Variants in SLC27A2 observed in about 807,000 individuals in gnomAD.
SLC27A2 encodes the protein solute carrier family 27 member 2, also known as long-chain fatty acid transport protein 2.
SLC27A2 carries 54 observed loss-of-function variants against 60.0 expected under a neutral mutation model. The observed-to-expected ratio is 0.90, with a 90% confidence interval of 0.72 to 1.13. SLC27A2 has a LOEUF of 1.13. Among genes scored for constraint, SLC27A2 ranks in the 50% most tolerant of loss-of-function variants. The probability of loss-of-function intolerance (pLI) is 0.00; values close to 1 mark genes in which losing one functional copy is unlikely to be tolerated. For synonymous variants in SLC27A2, 297 were observed against 297.6 expected (o/e 1.00, Z 0.02); for missense variants, 739 against 777.6 (o/e 0.95, Z 0.59).
At chr15:50,229,720 AAT>A (rs1293457140) in intron 8 of SLC27A2, among the ~76,000 whole-genome samples, 2 of 152,130 alleles carry the variant, frequency 1.3e-5, no homozygotes, top group Non-Finnish European at 2.9e-5. Flanking sequence ...ATATTTATCA[AAT>A]ATATATATAA....
At position 50,228,793 on chromosome 15, in the gene SLC27A2, C is replaced by G. The variant is rs563739109; in HGVS notation, c.1458-152C>G. On this transcript the variant is annotated intron_variant, in intron 7 of 9. Transcript: ENST00000267842. ...CTTTTATGCCTCAAACAAGATACCC[C>G]GGCCAGGACTAAGTTGGGGAGTTTG... 1.8e-4 allele frequency: 113 copies of G among 618,026 alleles called. 1 individual carries two copies. The South Asian group carries it at 2.1e-3, about 12-fold the overall frequency. The allele number at this position is 618,026 out of a possible 1,614,324, so 38.3% of individuals were successfully genotyped here. A position where few individuals can be genotyped will look rare whatever the true frequency, so the allele number is the denominator to read the frequency against.
intron 4 of SLC27A2, among the ~76,000 whole-genome samples, chr15:50,209,398 G>A (rs928016321): frequency 1.3e-5 from 2 of 152,238 alleles, no homozygotes; most frequent in Middle Eastern, 3.4e-3. Flanking sequence ...AGGAAGGTTC[G>A]CCAGGGAAGG....
intron 8 of SLC27A2, among the ~76,000 whole-genome samples, chr15:50,231,789 G>T (rs909089779): frequency 6.6e-6 from 1 of 152,216 alleles, no homozygotes; most frequent in African/African-American, 2.4e-5. Context: ...AGGAGCAGGT[G>T]TGTTCTGTGC....
At chr15:50,196,053 CAAA>C (rs1163958587) in intron 1 of SLC27A2, among the ~76,000 whole-genome samples, 22 of 1,814 alleles carry the variant, frequency 0.012, no homozygotes, top group African/African-American at 0.024. Context: ...GACTCTGTCT[CAAA>C]AAAAAAAAAA....
chr15:50,185,278 C>T (rs995415586), intron 1 of SLC27A2, among the ~76,000 whole-genome samples: 2 of 152,168 alleles, frequency 1.3e-5, no homozygotes, highest in Admixed American at 1.3e-4. Context: ...ATATTAAACT[C>T]AAACGTGAAC....
chr15:50,205,834 C>A (rs1168277289), intron 4 of SLC27A2, among the ~76,000 whole-genome samples: 1 of 152,134 alleles, frequency 6.6e-6, no homozygotes, highest in Non-Finnish European at 1.5e-5. Flanking sequence ...ATGGCTGGAA[C>A]CACATCTTGT....
chr15:50,227,190 T>C lies in SLC27A2; in HGVS notation c.1457+12T>C. 6.2e-7 allele frequency: 1 copy of C among 1,609,120 alleles called. No homozygotes were observed. The highest frequency in any genetic ancestry group is 1.1e-5 in the South Asian group (1 of 90,772). On this transcript the variant is annotated intron_variant, in intron 7 of 9. Coordinates refer to ENST00000267842, the MANE Select transcript of SLC27A2 (RefSeq NM_003645.4). Reference sequence around the variant, plus strand: ...GGAGATACATTCCGGTTGGTTTTTCTGAATCATTGAGCCAAAAACAAACAC... The same window carrying C: ...GGAGATACATTCCGGTTGGTTTTTCCGAATCATTGAGCCAAAAACAAACAC...
At chr15:50,213,423 A>G (rs531001619) in intron 4 of SLC27A2, among the ~76,000 whole-genome samples, 2 of 152,314 alleles carry the variant, frequency 1.3e-5, no homozygotes, top group South Asian at 4.1e-4. Context: ...CAAAGAAACA[A>G]TGGATTTAAA....
chr15:50,224,474 G>C (rs967156272), intron 5 of SLC27A2, among the ~76,000 whole-genome samples: 1 of 152,080 alleles, frequency 6.6e-6, no homozygotes, highest in Non-Finnish European at 1.5e-5. Context: ...TTATGAAAAG[G>C]CCCTTAGAGG....
intron 1 of SLC27A2, among the ~76,000 whole-genome samples, chr15:50,195,705 G>A (rs1204588967): frequency 6.6e-6 from 1 of 151,390 alleles, no homozygotes; most frequent in Non-Finnish European, 1.5e-5. Flanking sequence ...TGTCTTTATG[G>A]AGATATCATA....
At position 50,197,523 on chromosome 15, in the gene SLC27A2, A is replaced by G. The variant is rs761901069; in HGVS notation, c.502A>G (p.Ile168Val). Residue 168 changes from isoleucine (I) to valine (V), a missense_variant, in exon 2 of 10, where the codon ATA becomes GTA. Transcript: ENST00000267842. The stretch of plus-strand genomic sequence containing the variant: ...AGAACTACAAGCAGCTGTCGAAGAG[A>G]TACTGCCAAGCCTTAAAAAAGATGA... Reference protein sequence around the residue: ...SPELQAAVEEILPSLKKDDVS... With the variant: ...SPELQAAVEEVLPSLKKDDVS... 2.5e-6 allele frequency: 4 copies of G among 1,613,902 alleles called. No homozygotes were observed. In the East Asian group the frequency reaches 8.9e-5, roughly 36 times the overall value.
chr15:50,236,172 T>A lies in SLC27A2; in HGVS notation c.*76T>A, dbSNP rs1802537. On this transcript the variant is annotated 3_prime_UTR_variant, in exon 10 of 10. Coordinates refer to ENST00000267842, the MANE Select transcript of SLC27A2 (RefSeq NM_003645.4). ...GCCACTTGATATAATCCAACTTTAA[T>A]TTGATTGAAGATTGTGAGGAAATTT... 1.6e-3 allele frequency: 2,072 copies of A among 1,291,804 alleles called. 9 individuals carry two copies. The highest frequency in any genetic ancestry group is 7.6e-3 in the Middle Eastern group (29 of 3,810). 80.0% of individuals were successfully genotyped at this position (1,291,804 alleles called of 1,614,324 possible).
In SLC27A2 at chr15:50,205,312, T is replaced by G; in HGVS notation, c.921T>G (p.Thr307=). The G allele has an allele frequency of 6.2e-7, 1 of 1,611,532 alleles. No individual in the cohort carries two copies. Among genetic ancestry groups the G allele is most frequent in the Non-Finnish European group, 8.5e-7 (1 of 1,178,352 alleles). ...FWDDCRKYNV[T]VIQYIGELLR... ...ATGACTGCAGAAAATACAACGTCAC[T>G]GTCATTCAGTATATCGGTGAACTGC... Residue 307 remains threonine, a synonymous_variant, in exon 4 of 10, where the codon ACT becomes ACG. Transcript: ENST00000267842.
At chr15:50,231,613 G>A (rs966937686) in intron 8 of SLC27A2, among the ~76,000 whole-genome samples, 3 of 152,148 alleles carry the variant, frequency 2.0e-5, no homozygotes, top group African/African-American at 7.2e-5. Flanking sequence ...TTTAAAGCCT[G>A]GATCTAATGG....
At position 50,226,530 on chromosome 15, in the gene SLC27A2, G is replaced by C. The variant is rs906203829; in HGVS notation, c.1259-450G>C. Among the ~76,000 whole-genome samples the C allele has an allele frequency of 2.0e-5, 3 of 152,174 alleles. No homozygotes were observed. In the East Asian group the frequency reaches 5.8e-4, roughly 29 times the overall value. On this transcript the variant is annotated intron_variant, in intron 6 of 9. Transcript: ENST00000267842. ...GCTGATCATTTGAGATAAGGAGTTC[G>C]AGACCAGCCTGGCCAACATGGCAAA...
At chr15:50,208,265 T>C (rs547082488) in intron 4 of SLC27A2, among the ~76,000 whole-genome samples, 2 of 152,312 alleles carry the variant, frequency 1.3e-5, no homozygotes, top group South Asian at 4.1e-4. Flanking sequence ...GCTTCTCTAG[T>C]AGAGCAGTGG....
chr15:50,219,689 CT>C (rs2045229539), intron 4 of SLC27A2, among the ~76,000 whole-genome samples: 1 of 152,118 alleles, frequency 6.6e-6, no homozygotes, highest in Non-Finnish European at 1.5e-5. Context: ...TAGCTATCAC[CT>C]TTCATAGGGT....
intron 4 of SLC27A2, among the ~76,000 whole-genome samples, chr15:50,209,372 G>A (rs2045137146): frequency 6.6e-6 from 1 of 152,188 alleles, no homozygotes; most frequent in Admixed American, 6.5e-5. Flanking sequence ...AAGAAAGAGG[G>A]AAGGGGAGCA....
At chr15:50,235,734 T>C (rs8030902) in intron 9 of SLC27A2, among the ~76,000 whole-genome samples, 186 bp from the exon 10 acceptor site, 24,484 of 152,214 alleles carry the variant, frequency 0.16, 2,095 homozygotes, top group African/African-American at 0.21. Context: ...AAACACACAA[T>C]GTTATCTGTC....
Sources: allele counts gnomAD v4.1 joint callset (sites outside exome capture counted in the v4.1 genomes callset), GRCh38; gene constraint gnomAD v4.1.1; transcripts MANE v1.5; gene names NCBI Gene and HGNC (gene_info 2026-07-23, HGNC 2026-07-21).